PPIL2: variants seen among roughly 807,000 people sequenced by gnomAD.
The protein encoded by PPIL2 is peptidylprolyl isomerase like 2, also known as RING-type E3 ubiquitin-protein ligase PPIL2.
Under a neutral mutation model 75.2 loss-of-function variants are expected in PPIL2, and 50 were observed. The observed-to-expected ratio is 0.66, with a 90% CI of 0.53 to 0.84. The LOEUF is 0.84. Ranked by LOEUF, PPIL2 falls within the 40% of genes least tolerant of loss-of-function variation. PPIL2 has a pLI of 0.00. For synonymous variants in PPIL2, 245 were observed against 258.8 expected (o/e 0.95, Z 0.51); for missense variants, 590 against 685.0 (o/e 0.86, Z 1.55).
chr22:21,694,187 G>A (rs990326797), intron 16 of PPIL2, among the ~76,000 whole-genome samples: 1 of 152,184 alleles, frequency 6.6e-6, no homozygotes, highest in Non-Finnish European at 1.5e-5. Flanking sequence ...TCTAGTCCAG[G>A]GGTCTTTCCA....
At chr22:21,668,812 T>C (rs409153) in intron 1 of PPIL2, among the ~76,000 whole-genome samples, 144,711 of 147,522 alleles carry the variant, frequency 0.98, 71,051 homozygotes, top group African/African-American at 0.99. Flanking sequence ...CCCGGGTTCA[T>C]GCCATTCTCC....
chr22:21,668,672 CA>C (rs1445976609), intron 1 of PPIL2, among the ~76,000 whole-genome samples: 1 of 150,234 alleles, frequency 6.7e-6, no homozygotes, highest in Admixed American at 6.6e-5. Context: ...AAATAGAAAT[CA>C]TAAGATTGAC....
chr22:21,698,529 T>C (rs1470834855), downstream of PPIL2: 2 of 152,350 alleles, frequency 1.3e-5, no homozygotes, highest in Non-Finnish European at 2.9e-5. Context: ...GGCACGAACC[T>C]CCAACTGTTT....
In PPIL2 at chr22:21,671,022, C is replaced by T. The variant is rs889728128; in HGVS notation, c.154C>T (p.Pro52Ser). 1 of 1,613,218 alleles carries T rather than the reference C, an allele frequency of 6.2e-7. No individual in the cohort carries two copies. Among genetic ancestry groups the T allele is most frequent in the African/African-American group, 1.3e-5 (1 of 74,916 alleles). ...TCTCTCTCTGCAGCCCTTTGTCTACCCAGTCTGCACTCCCGATGGCATCGT... is the reference window on the plus strand; with the variant it reads ...TCTCTCTCTGCAGCCCTTTGTCTACTCAGTCTGCACTCCCGATGGCATCGT... ...CSLSLQPFVYPVCTPDGIVFD... is the reference protein window; with the variant it reads ...CSLSLQPFVYSVCTPDGIVFD... Residue 52 changes from proline (P) to serine (S), a missense_variant, in exon 4 of 20, where the codon CCA (proline) becomes TCA (serine). Coordinates refer to ENST00000398831, the MANE Select transcript of PPIL2 (RefSeq NM_014337.4).
chr22:21,675,555 G>A (rs1292893212), intron 6 of PPIL2, among the ~76,000 whole-genome samples: 10 of 152,118 alleles, frequency 6.6e-5, no homozygotes, highest in Non-Finnish European at 1.5e-4. Context: ...GGTGTCACAA[G>A]ATTTCTTCTC....
chr22:21,670,323 TA>T, intron 2 of PPIL2: 1 of 1,504,348 alleles, frequency 6.6e-7, no homozygotes, highest in Non-Finnish European at 8.9e-7. Context: ...AAGACTACAA[TA>T]ACAAGAGCAC....
At chr22:21,689,666 A>T (rs945531667) in intron 15 of PPIL2, among the ~76,000 whole-genome samples, 2 of 152,330 alleles carry the variant, frequency 1.3e-5, no homozygotes, top group South Asian at 4.1e-4. Flanking sequence ...TGGTGTGCAC[A>T]TCAGTCACGT....
intron 12 of PPIL2, 109 bp from the exon 13 acceptor site, chr22:21,687,534 C>T: frequency 1.3e-6 from 1 of 767,764 alleles, no homozygotes; most frequent in Non-Finnish European, 2.0e-6. Context: ...GCCTGGGCAA[C>T]AGCAAGACTC....
At chr22:21,692,431 G>A (rs1292639539) in intron 15 of PPIL2, among the ~76,000 whole-genome samples, 3 of 151,542 alleles carry the variant, frequency 2.0e-5, no homozygotes, top group East Asian at 2.0e-4. Flanking sequence ...TGGGATTACA[G>A]GCGTGAGCCA....
At chr22:21,666,203 G>T in intron 1 of PPIL2, 72 bp downstream of exon 1, 10 of 1,507,644 alleles carry the variant, frequency 6.6e-6, no homozygotes, top group Non-Finnish European at 9.0e-6. Context: ...ACTGCGCGCC[G>T]CTCGCCTTCC....
At chr22:21,682,582 G>C in intron 8 of PPIL2, 56 bp downstream of exon 8, 1 of 1,385,890 alleles carries the variant, frequency 7.2e-7, no homozygotes, top group Non-Finnish European at 9.9e-7. Flanking sequence ...AGCCAGCCCA[G>C]GCCTCTACAG....
At chr22:21,691,098 C>A (rs1361498954) in intron 15 of PPIL2, among the ~76,000 whole-genome samples, 7 of 131,718 alleles carry the variant, frequency 5.3e-5, no homozygotes, top group Non-Finnish European at 1.1e-4. Flanking sequence ...CGCCCACCAC[C>A]ACACCAGGAT....
In PPIL2 at chr22:21,695,398, C is replaced by T. The variant is rs749735621; in HGVS notation, c.1471C>T (p.Arg491Ter). The change falls in exon 20 of 20, where the codon CGA becomes TGA. Residue 491 changes from arginine to a stop codon, truncating the protein, a stop_gained. Transcript: ENST00000398831. LOFTEE classifies it high-confidence loss of function. Reference sequence around the variant, plus strand: ...AGCGGCTTCTTCTCTTCCCAGGAAGCGAGCAGCAGAGGAAGAGCCCTCAAC... The same window carrying T: ...AGCGGCTTCTTCTCTTCCCAGGAAGTGAGCAGCAGAGGAAGAGCCCTCAAC... ...GKYINPAATK[R>*]AAEEEPSTSA... The T allele has an allele frequency of 9.3e-6, 15 of 1,606,364 alleles. No individual in the cohort carries two copies. The highest frequency in any genetic ancestry group is 2.2e-5 in the South Asian group (2 of 89,614).
intron 15 of PPIL2, among the ~76,000 whole-genome samples, chr22:21,692,345 G>A (rs376289064): frequency 0.013 from 2,033 of 151,402 alleles, 18 homozygotes; most frequent in East Asian, 0.064. Flanking sequence ...TAGTAGAGAT[G>A]GGGTTTCACC....
At chr22:21,691,936 G>T (rs1466449082) in intron 15 of PPIL2, among the ~76,000 whole-genome samples, 2 of 152,176 alleles carry the variant, frequency 1.3e-5, no homozygotes, top group African/African-American at 4.8e-5. Context: ...TGGCTGGGGG[G>T]TGCATGTTTG....
At position 21,696,935 on chromosome 22, in the gene PPIL2, C is replaced by T. The variant is rs1243779714; in HGVS notation, c.*1445C>T. On this transcript the variant is annotated 3_prime_UTR_variant, in exon 20 of 20. Coordinates refer to ENST00000398831, the MANE Select transcript of PPIL2 (RefSeq NM_014337.4). ...GTCTGCCCCTCGTCACCCTGCTGCACACCAATCTGTGGCCCTTCATCATGC... is the reference window on the plus strand; with the variant it reads ...GTCTGCCCCTCGTCACCCTGCTGCATACCAATCTGTGGCCCTTCATCATGC... 7 of 1,585,126 alleles carry T rather than the reference C, an allele frequency of 4.4e-6. No individual in the cohort carries two copies. Among genetic ancestry groups the T allele is most frequent in the Middle Eastern group, 1.7e-4 (1 of 6,030 alleles).
intron 1 of PPIL2, among the ~76,000 whole-genome samples, chr22:21,669,130 T>G (rs1044883175): frequency 1.3e-5 from 2 of 151,998 alleles, no homozygotes; most frequent in African/African-American, 4.8e-5. Context: ...ATTATAGGCG[T>G]GAGCCACCTT....
At chr22:21,694,859 G>C in intron 18 of PPIL2, 42 bp downstream of exon 18, 1 of 1,590,584 alleles carries the variant, frequency 6.3e-7, no homozygotes, top group East Asian at 2.2e-5. Context: ...GTCTGGGCTA[G>C]TGCACTTTTC....
chr22:21,688,355 C>G (rs186445657), intron 14 of PPIL2, among the ~76,000 whole-genome samples: 1 of 152,324 alleles, frequency 6.6e-6, no homozygotes, highest in African/African-American at 2.4e-5. Context: ...CTGGGGTCTG[C>G]CTCAGACTGA....
Sources: allele counts gnomAD v4.1 joint callset (sites outside exome capture counted in the v4.1 genomes callset), GRCh38; gene constraint gnomAD v4.1.1; transcripts MANE v1.5; gene names NCBI Gene and HGNC (gene_info 2026-07-23, HGNC 2026-07-21).